The following NR2F2 variants were observed in gnomAD, a reference collection of about 807,000 sequenced individuals.
The protein encoded by NR2F2 is COUP transcription factor 2.
In NR2F2, 2 loss-of-function variants were observed where a neutral mutation model predicts 34.8. The observed-to-expected ratio is 0.06, with a 90% confidence interval of 0.02 to 0.18. NR2F2 has a LOEUF of 0.18. Among genes scored for constraint, NR2F2 ranks in the 10% least tolerant of loss-of-function variants. The pLI is 1.00. For missense variants in NR2F2, 300 were observed against 580.1 expected (o/e 0.52, Z 4.96); for synonymous variants, 274 against 251.8 (o/e 1.09, Z -0.84).
intron 1 of NR2F2, chr15:96,333,601 T>G (rs1596426943): frequency 9.9e-7 from 1 of 1,010,128 alleles, no homozygotes; most frequent in African/African-American, 1.7e-5. Flanking sequence ...GGCTTCGGGG[T>G]TTGTGGGAGA....
At chr15:96,329,691 G>C (rs1210925340), upstream of NR2F2, among the ~76,000 whole-genome samples, 1 of 152,140 alleles carries the variant, frequency 6.6e-6, no homozygotes, top group Non-Finnish European at 1.5e-5. Flanking sequence ...GGGAGGCTGG[G>C]CGGCTGCCTC....
chr15:96,329,235 G>T (rs1019287904), upstream of NR2F2, among the ~76,000 whole-genome samples: 28 of 152,068 alleles, frequency 1.8e-4, no homozygotes, highest in African/African-American at 6.8e-4. Context: ...TATAAATGTG[G>T]AATAATGATA....
Position 96,337,655 on chromosome 15 carries a change from G to C in NR2F2, c.*33G>C. On this transcript the variant is annotated 3_prime_UTR_variant, in exon 3 of 3. Transcript: ENST00000394166. ...AAATAAGAAGGGGGAGTGAAACAGA[G>C]AAAGAAAAGGCAAAAGACTGGTTTG... 1 of 1,592,082 alleles carries C rather than the reference G, an allele frequency of 6.3e-7. No homozygotes were observed. Among genetic ancestry groups the C allele is most frequent in the Non-Finnish European group, 8.6e-7 (1 of 1,167,542 alleles).
At chr15:96,336,038 C>T (rs1023334036) in intron 2 of NR2F2, among the ~76,000 whole-genome samples, 2 of 152,182 alleles carry the variant, frequency 1.3e-5, no homozygotes, top group African/African-American at 2.4e-5. Flanking sequence ...TACCTCATAG[C>T]CACCTTCACC....
chr15:96,329,145 T>G (rs948291128), upstream of NR2F2, among the ~76,000 whole-genome samples: 11 of 152,194 alleles, frequency 7.2e-5, no homozygotes, highest in Non-Finnish European at 1.6e-4. Flanking sequence ...ATATTTTAAT[T>G]GTTCACAAAC....
upstream of NR2F2, among the ~76,000 whole-genome samples, chr15:96,330,485 G>A (rs1443208955): frequency 3.5e-4 from 47 of 133,768 alleles, no homozygotes; most frequent in Non-Finnish European, 6.1e-4. Flanking sequence ...CCGCGCCGGC[G>A]ACGCCGCTCG....
At chr15:96,326,553 T>G (rs1166783019), upstream of NR2F2, among the ~76,000 whole-genome samples, 1 of 150,476 alleles carries the variant, frequency 6.6e-6, no homozygotes, top group African/African-American at 2.4e-5. This position sits in a 1 kb window ranked among gnomAD's most constrained non-coding sequence, Gnocchi z 5.5. Flanking sequence ...TTATTACATG[T>G]GTGTGGTAGG....
upstream of NR2F2, among the ~76,000 whole-genome samples, chr15:96,328,979 G>A (rs1169464199): frequency 6.6e-6 from 1 of 152,060 alleles, no homozygotes; most frequent in African/African-American, 2.4e-5. Context: ...AATGTAAAAT[G>A]TGATCTATGC....
rs1196135790 is a variant in NR2F2 at position 96,331,592 on chromosome 15, C to T, written c.-514C>T. On this transcript the variant is annotated 5_prime_UTR_variant, in exon 1 of 3. Transcript: ENST00000394166. Reference sequence around the variant, plus strand: ...CCTCCTCTTCCTCCTCCTCCTCCTCCTCCTCCTCCGCCAACTCCTCGGCTG... The same window carrying T: ...CCTCCTCTTCCTCCTCCTCCTCCTCTTCCTCCTCCGCCAACTCCTCGGCTG... The T allele has an allele frequency of 1.6e-6, 2 of 1,221,048 alleles. No homozygotes were observed. The highest frequency in any genetic ancestry group is 6.4e-5 in the East Asian group (2 of 31,102). 75.6% of individuals were successfully genotyped at this position (1,221,048 alleles called of 1,614,324 possible).
chr15:96,339,074 TAATTAAA>T lies in NR2F2; in HGVS notation c.*1456_*1462del, dbSNP rs981001410. ...ACCCCCATTCACCTAATCCTCCTTT[TAATTAAA>T]AATGGATTTTCCAGGAAAAAAAAAA... On this transcript the variant is annotated 3_prime_UTR_variant, in exon 3 of 3. Transcript: ENST00000394166. 4.6e-5 allele frequency: 7 copies of T among 151,928 alleles called. No individual in the cohort carries two copies. The highest frequency in any genetic ancestry group is 1.3e-4 in the Admixed American group (2 of 15,256). The allele number at this position is 151,928 out of a possible 1,614,324, so 9.4% of individuals were successfully genotyped here.
At chr15:96,336,096 T>C (rs991637504) in intron 2 of NR2F2, among the ~76,000 whole-genome samples, 7 of 152,168 alleles carry the variant, frequency 4.6e-5, no homozygotes, top group African/African-American at 1.7e-4. Flanking sequence ...ACGATGGAGG[T>C]AGTCGTTAAT....
rs778146143 is a variant in NR2F2 at position 96,334,104 on chromosome 15, C to A, written c.471C>A (p.Thr157=). Residue 157 remains threonine, a synonymous_variant, in exon 2 of 3, where the codon ACC becomes ACA. Transcript: ENST00000394166. Reference sequence around the variant, plus strand: ...TGCAGAGGGGCAGGATGCCGCCGACCCAGCCGACCCACGGGCAGTTCGCGC... The same window carrying A: ...TGCAGAGGGGCAGGATGCCGCCGACACAGCCGACCCACGGGCAGTTCGCGC... ...EAVQRGRMPP[T]QPTHGQFALT... The A allele has an allele frequency of 6.8e-6, 11 of 1,613,388 alleles. No individual in the cohort carries two copies. The highest frequency in any genetic ancestry group is 9.3e-6 in the Non-Finnish European group (11 of 1,179,944).
At chr15:96,333,487 C>T (rs1899218866) in intron 1 of NR2F2, 1 of 1,003,600 alleles carries the variant, frequency 1.0e-6, no homozygotes, top group Non-Finnish European at 1.2e-6. Context: ...TCTCTCCGCC[C>T]TCTCCCTCCG....
Position 96,331,114 on chromosome 15 carries a change from C to T in NR2F2, c.-992C>T. On this transcript the variant is annotated 5_prime_UTR_variant, in exon 1 of 3. Transcript: ENST00000394166. ...GCGGCAGCAGCGACTTCAGCGGCGG[C>T]GGCGGCGCTAGACGCAGCGGCTCCG... The T allele has an allele frequency of 8.3e-7, 1 of 1,198,166 alleles. No homozygotes were observed. The highest frequency in any genetic ancestry group is 1.0e-6 in the Non-Finnish European group (1 of 966,626). 74.2% of individuals were successfully genotyped at this position (1,198,166 alleles called of 1,614,324 possible). A position where few individuals can be genotyped will look rare whatever the true frequency, so the allele number is the denominator to read the frequency against.
chr15:96,331,972 G>A lies in NR2F2; in HGVS notation c.-134G>A. On this transcript the variant is annotated 5_prime_UTR_variant, in exon 1 of 3. Transcript: ENST00000394166. ...AACCAGCCCCCGAGCCACCCGGGGCGCCCTCCCGCGCCCTCTTGCACCCTC... is the reference window on the plus strand; with the variant it reads ...AACCAGCCCCCGAGCCACCCGGGGCACCCTCCCGCGCCCTCTTGCACCCTC... The A allele has an allele frequency of 1.7e-6, 2 of 1,206,062 alleles. No individual in the cohort carries two copies. Among genetic ancestry groups the A allele is most frequent in the African/African-American group, 1.6e-5 (1 of 63,226 alleles). The allele number at this position is 1,206,062 out of a possible 1,614,324, so 74.7% of individuals were successfully genotyped here.
At chr15:96,337,308 T>TTTC (rs747281366) in intron 2 of NR2F2, 40 bp from the exon 3 acceptor site, 370 of 1,469,024 alleles carry the variant, frequency 2.5e-4, no homozygotes, top group Middle Eastern at 1.4e-3. Context: ...TCTTCTTCTT[T>TTTC]TTCTTCTTCT....
At chr15:96,329,161 T>C (rs904119664), upstream of NR2F2, among the ~76,000 whole-genome samples, 1 of 152,172 alleles carries the variant, frequency 6.6e-6, no homozygotes, top group African/African-American at 2.4e-5. Context: ...CAAACCTGGT[T>C]GGTTTACCGG....
chr15:96,337,090 C>G (rs1413657042), intron 2 of NR2F2, among the ~76,000 whole-genome samples: 1 of 152,292 alleles, frequency 6.6e-6, no homozygotes, highest in East Asian at 1.9e-4. Context: ...CTGTAGCACA[C>G]TGAGCTATGT....
rs1319376649 is a variant in NR2F2 at position 96,337,953 on chromosome 15, T to C, written c.*331T>C. On this transcript the variant is annotated 3_prime_UTR_variant, in exon 3 of 3. Coordinates refer to ENST00000394166, the MANE Select transcript of NR2F2 (RefSeq NM_021005.4). The stretch of plus-strand genomic sequence containing the variant: ...ATTGCTAAAAGTGCATTTAAGGAGA[T>C]TGGGAGACAATTAGCAGAATGGAGA... 1.5e-5 allele frequency: 3 copies of C among 200,854 alleles called. No homozygotes were observed. The highest frequency in any genetic ancestry group is 7.0e-5 in the African/African-American group (3 of 43,114). 12.4% of individuals were successfully genotyped at this position (200,854 alleles called of 1,614,324 possible).
Sources: allele counts gnomAD v4.1 joint callset (sites outside exome capture counted in the v4.1 genomes callset), GRCh38; gene constraint gnomAD v4.1.1; non-coding constraint Gnocchi (gnomAD v3.1); transcripts MANE v1.5; gene names NCBI Gene and HGNC (gene_info 2026-07-23, HGNC 2026-07-21).